PLXNA4: variants seen among roughly 807,000 people sequenced by gnomAD.
PLXNA4 encodes the protein plexin A4, also known as plexin-A4.
PLXNA4 carries 44 observed loss-of-function variants against 191.8 expected under a neutral mutation model. The observed-to-expected ratio is 0.23, with a 90% CI of 0.18 to 0.29. The LOEUF is 0.29. Among genes scored for constraint, PLXNA4 ranks in the 10% least tolerant of loss-of-function variants. The pLI is 1.00. For missense variants in PLXNA4, 1,800 were observed against 2,488.8 expected (o/e 0.72, Z 5.89); for synonymous variants, 1,082 against 1,009.5 (o/e 1.07, Z -1.36).
rs931486121 is a variant in PLXNA4 at position 132,124,320 on chromosome 7, A to T, written c.*6159T>A. On this transcript the variant is annotated 3_prime_UTR_variant, in exon 32 of 32. Coordinates refer to ENST00000321063, the MANE Select transcript of PLXNA4 (RefSeq NM_020911.2). ...GGAGGGAGAGGAAAGGAGGACAGAC[A>T]GATGAGCACGTGTATCCCATCTTCG... The T allele has an allele frequency of 1.3e-5, 2 of 152,258 alleles. No homozygotes were observed. The highest frequency in any genetic ancestry group is 4.8e-5 in the African/African-American group (2 of 41,468). The allele number at this position is 152,258 out of a possible 1,614,324, so 9.4% of individuals were successfully genotyped here.
chr7:132,510,751 C>T (rs974583121), intron 1 of PLXNA4, among the ~76,000 whole-genome samples: 6 of 152,146 alleles, frequency 3.9e-5, no homozygotes, highest in African/African-American at 1.2e-4. Flanking sequence ...AGTCAGAGCA[C>T]GAAGGGAAAG....
chr7:132,629,308 C>T (rs780157356), intron 2 of PLXNA4, among the ~76,000 whole-genome samples: 55 of 152,178 alleles, frequency 3.6e-4, no homozygotes, highest in Non-Finnish European at 5.6e-4. Flanking sequence ...CTCTCTTGTA[C>T]GACTTCTCCA....
At chr7:132,294,276 C>A (rs1005771177) in intron 4 of PLXNA4, among the ~76,000 whole-genome samples, 1 of 152,138 alleles carries the variant, frequency 6.6e-6, no homozygotes, top group African/African-American at 2.4e-5. Flanking sequence ...GAAGCAGGAG[C>A]CTGCCATATT....
At chr7:132,138,104 A>T (rs1795165916) in intron 30 of PLXNA4, among the ~76,000 whole-genome samples, 1 of 152,164 alleles carries the variant, frequency 6.6e-6, no homozygotes, top group Non-Finnish European at 1.5e-5. Flanking sequence ...AGAGTTATTG[A>T]GGCTTCCTGA....
intron 3 of PLXNA4, among the ~76,000 whole-genome samples, chr7:132,408,881 T>A (rs1794336320): frequency 8.8e-6 from 1 of 113,110 alleles, no homozygotes; most frequent in Non-Finnish European, 1.7e-5. Context: ...CCCCATGTCA[T>A]CTTCTCTAAG....
At chr7:132,143,893 C>T (rs1795341084) in intron 29 of PLXNA4, among the ~76,000 whole-genome samples, 1 of 152,216 alleles carries the variant, frequency 6.6e-6, no homozygotes, top group African/African-American at 2.4e-5. Flanking sequence ...TGCTTTGGTT[C>T]TGTGGTCTCA....
chr7:132,559,727 C>T (rs1263939712), intron 1 of PLXNA4, among the ~76,000 whole-genome samples: 2 of 152,224 alleles, frequency 1.3e-5, no homozygotes, highest in Non-Finnish European at 2.9e-5. Context: ...TCTACATCTC[C>T]TACAACAAAT....
At chr7:132,557,541 CT>C (rs200497175) in intron 1 of PLXNA4, among the ~76,000 whole-genome samples, 32 of 114,960 alleles carry the variant, frequency 2.8e-4, no homozygotes, top group African/African-American at 8.3e-4. Flanking sequence ...TTTAATTTAT[CT>C]TTTTTTTAAA....
intron 2 of PLXNA4, among the ~76,000 whole-genome samples, chr7:132,495,092 A>G (rs1314093346): frequency 1.3e-5 from 2 of 152,214 alleles, no homozygotes; most frequent in Non-Finnish European, 2.9e-5. Context: ...TGAAGGCAGC[A>G]GGTGATGAGG....
chr7:132,510,620 C>A (rs1289209512), intron 1 of PLXNA4, among the ~76,000 whole-genome samples: 1 of 152,200 alleles, frequency 6.6e-6, no homozygotes, highest in Admixed American at 6.5e-5. Context: ...CAAGAGAGTG[C>A]TTTGAAAGTT....
chr7:132,509,764 A>G (rs1222922220), intron 1 of PLXNA4, among the ~76,000 whole-genome samples: 1 of 152,064 alleles, frequency 6.6e-6, no homozygotes. Context: ...TGTACCTACT[A>G]CTGCAGGAGA....
chr7:132,303,017 C>T (rs920811020), intron 3 of PLXNA4, among the ~76,000 whole-genome samples: 3 of 152,092 alleles, frequency 2.0e-5, no homozygotes, highest in Middle Eastern at 3.4e-3. Context: ...GCTGGGATTA[C>T]AGTCACCTAC....
chr7:132,175,765 C>G (rs1003967240), intron 20 of PLXNA4, among the ~76,000 whole-genome samples: 5 of 152,234 alleles, frequency 3.3e-5, no homozygotes, highest in Admixed American at 6.5e-5. Context: ...GGCACCCAGC[C>G]CTTCCCTGCT....
intron 1 of PLXNA4, among the ~76,000 whole-genome samples, chr7:132,571,580 A>G (rs979852600): frequency 2.0e-5 from 3 of 152,194 alleles, no homozygotes; most frequent in African/African-American, 4.8e-5. Context: ...TCTTTGCCCA[A>G]GAGTGAAAAA....
chr7:132,271,485 T>C (rs575889972), intron 4 of PLXNA4, among the ~76,000 whole-genome samples: 24 of 150,754 alleles, frequency 1.6e-4, no homozygotes, highest in African/African-American at 5.1e-4. Context: ...TCCACCCCAG[T>C]GGTTACTGGT....
At chr7:132,175,254 T>C (rs1399350642) in intron 20 of PLXNA4, among the ~76,000 whole-genome samples, 1 of 152,064 alleles carries the variant, frequency 6.6e-6, no homozygotes, top group Admixed American at 6.5e-5. Context: ...AGGGCTTTGG[T>C]TTGCAAAATA....
intron 3 of PLXNA4, among the ~76,000 whole-genome samples, chr7:132,448,126 CG>C (rs907962990): frequency 6.6e-6 from 1 of 152,232 alleles, no homozygotes; most frequent in Admixed American, 6.5e-5. Context: ...AACAGAGCTA[CG>C]TTTTCCTCCC....
intron 3 of PLXNA4, among the ~76,000 whole-genome samples, chr7:132,487,211 A>G (rs1797595535): frequency 1.3e-5 from 2 of 152,176 alleles, no homozygotes; most frequent in African/African-American, 4.8e-5. Flanking sequence ...ATCCTCATCC[A>G]GGGTCTACTC....
chr7:132,328,837 G>A (rs1318523970), intron 3 of PLXNA4, among the ~76,000 whole-genome samples: 2 of 152,154 alleles, frequency 1.3e-5, no homozygotes, highest in Non-Finnish European at 2.9e-5. Context: ...TTCCTGTCCT[G>A]CTCATGGCAA....
Sources: gnomAD v4.1 joint callset for allele counts (sites outside exome capture counted in the v4.1 genomes callset) on GRCh38, gnomAD v4.1.1 for gene constraint, MANE v1.5 for transcripts, NCBI Gene and HGNC (gene_info 2026-07-23, HGNC 2026-07-21) for gene names.